The following NLRP5 variants were observed in gnomAD, a reference collection of about 807,000 sequenced individuals.
NLRP5 encodes the protein NACHT, LRR and PYD domains-containing protein 5.
Under a neutral mutation model 113.1 loss-of-function variants are expected in NLRP5, and 93 were observed. That is an observed-to-expected ratio of 0.82 (90% CI 0.70 to 0.98). The LOEUF is 0.98. Ranked by LOEUF, NLRP5 falls within the 50% of genes least tolerant of loss-of-function variation. The pLI is 0.00. For synonymous variants in NLRP5, 751 were observed against 600.7 expected (o/e 1.25, Z -3.66); for missense variants, 1,808 against 1,514.3 (o/e 1.19, Z -3.22).
chr19:56,042,638 C>T (rs902836727), intron 11 of NLRP5, among the ~76,000 whole-genome samples: 3 of 152,190 alleles, frequency 2.0e-5, no homozygotes, highest in African/African-American at 7.2e-5. Flanking sequence ...CCACCATGCC[C>T]AGCCAGGTTA....
At chr19:56,010,980 G>C (rs12462984) in intron 3 of NLRP5, among the ~76,000 whole-genome samples, 57,088 of 151,214 alleles carry the variant, frequency 0.38, 10,978 homozygotes, top group Admixed American at 0.41. Flanking sequence ...AGCAAGACCC[G>C]ACGTCTACCA....
At chr19:55,993,468 CTCTCCCCCCTCCCT>C in the NLRP5 span, among the ~76,000 whole-genome samples, 262 of 574 alleles carry the variant, frequency 0.46, 93 homozygotes, top group African/African-American at 0.68. Context: ...TCTCCCCCCT[CTCTCCCCCCTCCCT>C]CCCCCTCTCC....
Position 56,028,112 on chromosome 19 carries a change from C to T in NLRP5, c.1879C>T (p.His627Tyr). ...CATGGAGCTTAAACAGGCAGGCTTC[C>T]ATATCCACTCGCTTTGGATGAAGCG... is the stretch of plus-strand genomic sequence containing the variant. The change falls in exon 7 of 15, where the codon CAT becomes TAT. Residue 627 changes from histidine to tyrosine, a missense_variant. Coordinates refer to ENST00000390649, the MANE Select transcript of NLRP5 (RefSeq NM_153447.4). 1.2e-6 allele frequency: 2 copies of T among 1,614,030 alleles called. No individual in the cohort carries two copies. The highest frequency in any genetic ancestry group is 1.6e-4 in the Middle Eastern group (1 of 6,062).
chr19:56,038,330 C>A, intron 10 of NLRP5, 135 bp downstream of exon 10: 1 of 863,364 alleles, frequency 1.2e-6, no homozygotes, highest in East Asian at 2.4e-5. Flanking sequence ...TTGGGACCTC[C>A]CAAGACCTGC....
chr19:56,014,728 T>A (rs955016364), intron 3 of NLRP5, among the ~76,000 whole-genome samples: 1 of 152,174 alleles, frequency 6.6e-6, no homozygotes, highest in Non-Finnish European at 1.5e-5. Flanking sequence ...AAATCACAGA[T>A]GTATGGGATT....
At chr19:56,021,635 C>T (rs768354852) in intron 6 of NLRP5, among the ~76,000 whole-genome samples, 1 of 152,186 alleles carries the variant, frequency 6.6e-6, no homozygotes, top group African/African-American at 2.4e-5. Context: ...AGCCCGTGTT[C>T]CAGTGTCTAT....
intron 11 of NLRP5, among the ~76,000 whole-genome samples, chr19:56,043,743 T>A (rs573581008): frequency 9.3e-4 from 141 of 151,442 alleles, no homozygotes; most frequent in African/African-American, 3.3e-3. Context: ...CGGCTAATTT[T>A]TTTGTGTGTG....
intron 10 of NLRP5, 70 bp from the exon 11 acceptor site, chr19:56,040,852 G>A (rs1983495844): frequency 2.2e-6 from 3 of 1,335,926 alleles, no homozygotes; most frequent in Non-Finnish European, 3.1e-6. Flanking sequence ...TCCCCTCCTT[G>A]TAAAGGAGGG....
intron 3 of NLRP5, among the ~76,000 whole-genome samples, chr19:56,009,104 T>C (rs57612823): frequency 0.33 from 49,650 of 151,578 alleles, 8,347 homozygotes; most frequent in Admixed American, 0.38. Context: ...TTTGGGAGGC[T>C]GAGGTGGGCA....
intron 13 of NLRP5, among the ~76,000 whole-genome samples, chr19:56,055,677 C>T (rs1241930207): frequency 1.3e-5 from 2 of 151,066 alleles, no homozygotes; most frequent in Non-Finnish European, 2.9e-5. Context: ...TCCCAAGTAG[C>T]TGGGACTACA....
At chr19:56,037,607 C>T (rs539682139) in intron 9 of NLRP5, among the ~76,000 whole-genome samples, 28 of 150,244 alleles carry the variant, frequency 1.9e-4, no homozygotes, top group Non-Finnish European at 2.7e-4. Context: ...GCAGGAGACT[C>T]GCTTCAATCC....
At position 56,036,058 on chromosome 19, in the gene NLRP5, C is replaced by CTTTTTTTTTTTTT. The variant is rs34956178; in HGVS notation, c.2616-1957_2616-1945dup. 6.1e-4 allele frequency among the ~76,000 whole-genome samples: 47 copies of CTTTTTTTTTTTTT among 76,994 alleles called. 4 individuals are homozygous for CTTTTTTTTTTTTT. Among genetic ancestry groups the CTTTTTTTTTTTTT allele is most frequent in the African/African-American group, 2.2e-3 (38 of 17,608 alleles). 50.5% of individuals were successfully genotyped at this position (76,994 alleles called of 152,430 possible). ...ACATGCTGATGAATGAATTGAGATT[C>CTTTTTTTTTTTTT]TTTTTTTTTTTTTTTTTTTTTTGGA... On this transcript the variant is annotated intron_variant, in intron 9 of 14. Coordinates refer to ENST00000390649, the MANE Select transcript of NLRP5 (RefSeq NM_153447.4).
At chr19:56,033,055 G>A (rs1309102701) in intron 8 of NLRP5, among the ~76,000 whole-genome samples, 1 of 152,012 alleles carries the variant, frequency 6.6e-6, no homozygotes, top group Non-Finnish European at 1.5e-5. Context: ...AGACCAGCCT[G>A]GCCAACATGG....
In NLRP5 at chr19:56,043,983, C is replaced by T. The variant is rs190115845; in HGVS notation, c.2957+2891C>T. ...ACTTTTGGGTTCTTGGTCATGAAAT[C>T]CTTGCCTAAGCCAATGTCTCGAAGG... On this transcript the variant is annotated intron_variant, in intron 11 of 14. Transcript: ENST00000390649. Among the ~76,000 whole-genome samples the T allele has an allele frequency of 3.5e-3, 536 of 151,272 alleles. 1 individual carries two copies. The highest frequency in any genetic ancestry group is 0.012 in the African/African-American group (482 of 41,216).
intron 11 of NLRP5, among the ~76,000 whole-genome samples, chr19:56,049,967 T>C (rs1384649898): frequency 6.6e-6 from 1 of 151,988 alleles, no homozygotes; most frequent in East Asian, 1.9e-4. Context: ...CTCATTTGGG[T>C]AGGTTCTGTC....
rs1982942616 is a variant in NLRP5, at chr19:56,028,031, G to A, written c.1798G>A (p.Gly600Ser). ...TGCCGCCTTGTACTACGTGTTAGAG[G>A]GCCTGGAAATCGAGCCAGCTCTCTG... Residue 600 changes from glycine to serine, a missense_variant, in exon 7 of 15, where the codon GGC becomes AGC. Transcript: ENST00000390649. The A allele has an allele frequency of 1.2e-6, 2 of 1,613,938 alleles. No individual in the cohort carries two copies. The highest frequency in any genetic ancestry group is 2.2e-5 in the South Asian group (2 of 91,074).
At chr19:56,005,349 A>C (rs1314100977) in intron 2 of NLRP5, among the ~76,000 whole-genome samples, 3 of 117,534 alleles carry the variant, frequency 2.6e-5, no homozygotes, top group Non-Finnish European at 5.7e-5. Flanking sequence ...ATACACATAC[A>C]CATATATTTT....
At chr19:56,043,925 T>TC (rs1488417883) in intron 11 of NLRP5, among the ~76,000 whole-genome samples, 2 of 151,902 alleles carry the variant, frequency 1.3e-5, no homozygotes, top group African/African-American at 4.8e-5. Flanking sequence ...TTCAATTAGG[T>TC]CCCAGCTATT....
chr19:55,989,879 A>G, the NLRP5 span, among the ~76,000 whole-genome samples: 1 of 152,156 alleles, frequency 6.6e-6, no homozygotes, highest in Non-Finnish European at 1.5e-5. Context: ...CCGTCCAAAA[A>G]GATGGCACCC....
Sources: allele counts gnomAD v4.1 joint callset (sites outside exome capture counted in the v4.1 genomes callset), GRCh38; gene constraint gnomAD v4.1.1; transcripts MANE v1.5; gene names NCBI Gene and HGNC (gene_info 2026-07-23, HGNC 2026-07-21).